The following JAZF1 variants were observed in gnomAD, a reference collection of about 807,000 sequenced individuals.
JAZF1 encodes the protein juxtaposed with another zinc finger protein 1.
JAZF1 carries 8 observed loss-of-function variants against 26.4 expected under a neutral mutation model. The ratio of observed to expected loss-of-function variants is 0.30; its 90% CI spans 0.18 to 0.55. The LOEUF is 0.55. Ranked by LOEUF, JAZF1 falls within the 20% of genes least tolerant of loss-of-function variation. The pLI, the probability that JAZF1 is intolerant of heterozygous loss-of-function variation, is 0.94. For missense variants in JAZF1, 199 were observed against 322.0 expected (o/e 0.62, Z 2.92); for synonymous variants, 126 against 122.3 (o/e 1.03, Z -0.20).
At chr7:27,916,098 G>C (rs1174688411) in intron 2 of JAZF1, among the ~76,000 whole-genome samples, 1 of 152,138 alleles carries the variant, frequency 6.6e-6, no homozygotes, top group Non-Finnish European at 1.5e-5. Context: ...CTAAACCCTA[G>C]TGAGCTGGAA....
At chr7:28,049,455 C>T (rs2128379519) in intron 1 of JAZF1, among the ~76,000 whole-genome samples, 1 of 152,242 alleles carries the variant, frequency 6.6e-6, no homozygotes, top group South Asian at 2.1e-4. Context: ...GGTTTTCTCC[C>T]TTACACCAAG....
chr7:27,897,285 G>GA (rs1784084453), intron 2 of JAZF1, among the ~76,000 whole-genome samples: 1 of 152,036 alleles, frequency 6.6e-6, no homozygotes, highest in Non-Finnish European at 1.5e-5. Context: ...TATGGGGGTA[G>GA]AAAAAAATGT....
intron 3 of JAZF1, among the ~76,000 whole-genome samples, chr7:27,890,038 T>C (rs945837062): frequency 2.0e-5 from 3 of 152,226 alleles, no homozygotes; most frequent in Non-Finnish European, 2.9e-5. Flanking sequence ...AGTCCATTGC[T>C]TGAAATGGTC....
chr7:27,950,633 C>T (rs1784993700), intron 2 of JAZF1, among the ~76,000 whole-genome samples: 1 of 152,184 alleles, frequency 6.6e-6, no homozygotes. Flanking sequence ...AGGTCTGGTA[C>T]TTATGAAACC....
intron 1 of JAZF1, among the ~76,000 whole-genome samples, chr7:27,996,399 T>C (rs1583499411): frequency 6.6e-6 from 1 of 152,196 alleles, no homozygotes; most frequent in Non-Finnish European, 1.5e-5. Context: ...CTTTTTTAAC[T>C]GTGTACAGCA....
intron 4 of JAZF1, among the ~76,000 whole-genome samples, chr7:27,833,352 A>C (rs1481990702): frequency 6.6e-6 from 1 of 152,242 alleles, no homozygotes; most frequent in Non-Finnish European, 1.5e-5. Context: ...CCTCAGCATG[A>C]CCAACAAAAT....
chr7:27,903,036 AAAG>A (rs1205643464), intron 2 of JAZF1, among the ~76,000 whole-genome samples: 2 of 151,470 alleles, frequency 1.3e-5, no homozygotes, highest in African/African-American at 4.8e-5. Flanking sequence ...AAAAAAAAAA[AAAG>A]AAGTGACTAA....
intron 2 of JAZF1, among the ~76,000 whole-genome samples, chr7:27,911,595 C>G (rs1051349826): frequency 6.6e-6 from 1 of 152,122 alleles, no homozygotes; most frequent in Non-Finnish European, 1.5e-5. Flanking sequence ...CCACATATGG[C>G]TAAGGGCTAC....
intron 1 of JAZF1, among the ~76,000 whole-genome samples, chr7:28,042,627 T>C (rs1783412917): frequency 6.6e-6 from 1 of 152,202 alleles, no homozygotes; most frequent in Non-Finnish European, 1.5e-5. Flanking sequence ...CATATAGACA[T>C]GTACTGCAGA....
At chr7:27,864,692 T>A (rs1783444676) in intron 3 of JAZF1, among the ~76,000 whole-genome samples, 1 of 152,032 alleles carries the variant, frequency 6.6e-6, no homozygotes, top group Admixed American at 6.5e-5. Context: ...CAGGTCTCAT[T>A]TCTTAAAAAA....
chr7:27,916,830 C>T (rs567456752), intron 2 of JAZF1, among the ~76,000 whole-genome samples: 1 of 152,312 alleles, frequency 6.6e-6, no homozygotes, highest in South Asian at 2.1e-4. Flanking sequence ...CTCAAAAATC[C>T]CACCGCTCTG....
intron 1 of JAZF1, among the ~76,000 whole-genome samples, chr7:28,149,464 T>G (rs1029534): frequency 0.78 from 117,775 of 151,900 alleles, 46,358 homozygotes; most frequent in East Asian, 0.98. Context: ...AAACTCAAAG[T>G]TCCCCACCCC....
chr7:28,133,682 C>T (rs1562598408), intron 1 of JAZF1, among the ~76,000 whole-genome samples: 1 of 152,278 alleles, frequency 6.6e-6, no homozygotes, highest in East Asian at 1.9e-4. Context: ...CCCAGGACAC[C>T]AGCTCCCCCA....
chr7:27,872,621 T>G (rs1783603305), intron 3 of JAZF1, among the ~76,000 whole-genome samples: 2 of 152,172 alleles, frequency 1.3e-5, no homozygotes, highest in South Asian at 4.1e-4. Context: ...TAAAAACAGT[T>G]GAACTGGGGA....
intron 1 of JAZF1, among the ~76,000 whole-genome samples, chr7:28,054,375 C>T (rs368625721): frequency 2.6e-5 from 4 of 152,126 alleles, no homozygotes; most frequent in African/African-American, 7.2e-5. Flanking sequence ...GGATATTCAA[C>T]TAGTGTATGG....
At chr7:27,845,002 G>A (rs756479372) in intron 3 of JAZF1, among the ~76,000 whole-genome samples, 14 of 152,194 alleles carry the variant, frequency 9.2e-5, no homozygotes, top group Non-Finnish European at 1.5e-4. Context: ...CGGGTGCCCC[G>A]CCAGGAGACA....
chr7:27,908,032 T>C (rs545343491), intron 2 of JAZF1, among the ~76,000 whole-genome samples: 1 of 152,368 alleles, frequency 6.6e-6, no homozygotes, highest in Non-Finnish European at 1.5e-5. Context: ...ATTTGGTACA[T>C]ACTTTATCCC....
intron 3 of JAZF1, among the ~76,000 whole-genome samples, chr7:27,860,051 T>G (rs1783350592): frequency 6.6e-6 from 1 of 152,218 alleles, no homozygotes; most frequent in Non-Finnish European, 1.5e-5. Context: ...ATTTATTTCT[T>G]AATTTAACCC....
At chr7:28,112,855 T>A (rs536883527) in intron 1 of JAZF1, among the ~76,000 whole-genome samples, 7 of 152,272 alleles carry the variant, frequency 4.6e-5, no homozygotes, top group African/African-American at 1.7e-4. Flanking sequence ...AACTCACTTT[T>A]AAAAACAGCC....
Sources: gnomAD v4.1 joint callset for allele counts (sites outside exome capture counted in the v4.1 genomes callset) on GRCh38, gnomAD v4.1.1 for gene constraint, MANE v1.5 for transcripts, NCBI Gene and HGNC (gene_info 2026-07-23, HGNC 2026-07-21) for gene names.